Variants in LRIG1 observed in about 807,000 individuals in gnomAD.
LRIG1 encodes leucine-rich repeats and immunoglobulin-like domains protein 1.
Under a neutral mutation model 99.2 loss-of-function variants are expected in LRIG1, and 48 were observed. The ratio of observed to expected loss-of-function variants is 0.48; its 90% confidence interval spans 0.38 to 0.62. The LOEUF (loss-of-function observed/expected upper bound fraction) is 0.62, where lower values mean the gene tolerates loss of function less well. Among genes scored for constraint, LRIG1 ranks in the 20% least tolerant of loss-of-function variants. The pLI is 0.00. For synonymous variants in LRIG1, 772 were observed against 596.1 expected (o/e 1.29, Z -4.30); for missense variants, 1,646 against 1,434.4 (o/e 1.15, Z -2.38).
chr3:66,388,679 A>T (rs1701496614), intron 12 of LRIG1, among the ~76,000 whole-genome samples: 1 of 152,216 alleles, frequency 6.6e-6, no homozygotes, highest in Non-Finnish European at 1.5e-5. Context: ...ACCCACAGAG[A>T]ACAGAAGGCA....
At chr3:66,398,333 C>G in intron 10 of LRIG1, 150 bp from the exon 11 acceptor site, 1 of 628,084 alleles carries the variant, frequency 1.6e-6, no homozygotes, top group Non-Finnish European at 2.8e-6. Context: ...CAAATCGCAA[C>G]ACAAGCCCAT....
rs566659466 is a variant in LRIG1 at position 66,446,786 on chromosome 3, ATTAAG to A, written c.365+4768_365+4772del. On this transcript the variant is annotated intron_variant, in intron 3 of 18. Transcript: ENST00000273261. The stretch of plus-strand genomic sequence containing the variant: ...TAGTTAAAGCCACCTCAGATATTTT[ATTAAG>A]TTATTTATAAATGAAGTCTTCCAGG... Among the ~76,000 whole-genome samples the A allele has an allele frequency of 7.9e-5, 12 of 152,208 alleles. No homozygotes were observed. The South Asian group carries it at 2.1e-3, about 26-fold the overall frequency.
At chr3:66,487,711 T>C (rs1013798042) in intron 1 of LRIG1, among the ~76,000 whole-genome samples, 1 of 151,910 alleles carries the variant, frequency 6.6e-6, no homozygotes, top group Admixed American at 6.6e-5. Context: ...ACCAAGTGAG[T>C]AACAGGGAGA....
At chr3:66,385,170 A>G (rs1161876534) in intron 13 of LRIG1, among the ~76,000 whole-genome samples, 1 of 152,152 alleles carries the variant, frequency 6.6e-6, no homozygotes, top group Non-Finnish European at 1.5e-5. Flanking sequence ...CAAACACACA[A>G]TAACACATGG....
At chr3:66,404,230 C>G (rs566021302) in intron 9 of LRIG1, 2 of 1,288,852 alleles carry the variant, frequency 1.6e-6, no homozygotes, top group African/African-American at 3.0e-5. Flanking sequence ...AAAGACTCTC[C>G]CTACCACAGG....
chr3:66,387,315 G>A (rs921667730), intron 12 of LRIG1: 1 of 152,036 alleles, frequency 6.6e-6, no homozygotes, highest in Non-Finnish European at 1.5e-5. Context: ...GCACACCCAG[G>A]AAAGACGTGA....
At chr3:66,420,634 C>G (rs1317953764) in intron 3 of LRIG1, among the ~76,000 whole-genome samples, 2 of 152,184 alleles carry the variant, frequency 1.3e-5, no homozygotes, top group African/African-American at 4.8e-5. Flanking sequence ...CTAACACGTG[C>G]TACTGAATGG....
intron 2 of LRIG1, among the ~76,000 whole-genome samples, chr3:66,455,022 G>A (rs1700179993): frequency 6.6e-6 from 1 of 152,188 alleles, no homozygotes; most frequent in African/African-American, 2.4e-5. Flanking sequence ...TCGGCTCACT[G>A]TAACCTCTGC....
chr3:66,492,037 C>T (rs1019056096), intron 1 of LRIG1, among the ~76,000 whole-genome samples: 1 of 152,198 alleles, frequency 6.6e-6, no homozygotes, highest in African/African-American at 2.4e-5. Context: ...GTACCTGCAA[C>T]AGCTTACTTT....
chr3:66,500,035 C>T (rs1272568105), intron 1 of LRIG1, among the ~76,000 whole-genome samples, 155 bp downstream of exon 1: 2 of 152,022 alleles, frequency 1.3e-5, no homozygotes, highest in Non-Finnish European at 2.9e-5. Context: ...TCCCTTCCGC[C>T]ACTCCAACCT....
rs1359530754 is a variant in LRIG1 at position 66,383,408 on chromosome 3, G to T, written c.2072-7C>A. ...ACCACCAAGGATGGGGTCTCTACAA[G>T]AGAGCAACAGAGATCTTAGTCATTC... On this transcript the variant is annotated splice_region_variant and splice_polypyrimidine_tract_variant and intron_variant, in intron 14 of 18. Coordinates refer to ENST00000273261, the MANE Select transcript of LRIG1 (RefSeq NM_015541.3). The T allele has an allele frequency of 7.8e-6, 12 of 1,532,114 alleles. No homozygotes were observed. Among genetic ancestry groups the T allele is most frequent in the Non-Finnish European group, 1.1e-5 (12 of 1,136,208 alleles). The allele number at this position is 1,532,114 out of a possible 1,614,324, so 94.9% of individuals were successfully genotyped here. A position where few individuals can be genotyped will look rare whatever the true frequency, so the allele number is the denominator to read the frequency against.
intron 12 of LRIG1, among the ~76,000 whole-genome samples, chr3:66,389,113 G>A (rs781070950): frequency 3.9e-5 from 6 of 152,054 alleles, no homozygotes. Context: ...GATCTTAATA[G>A]GAACATAATT....
intron 1 of LRIG1, among the ~76,000 whole-genome samples, chr3:66,469,967 G>C (rs1700560123): frequency 6.6e-6 from 1 of 151,066 alleles, no homozygotes; most frequent in Non-Finnish European, 1.5e-5. Flanking sequence ...TCTGACACTT[G>C]CAAGCATTCT....
At chr3:66,451,840 T>C (rs1389510101) in intron 2 of LRIG1, among the ~76,000 whole-genome samples, 1 of 152,128 alleles carries the variant, frequency 6.6e-6, no homozygotes, top group African/African-American at 2.4e-5. Context: ...ATCACACCCA[T>C]GGCTAGAAAC....
chr3:66,498,642 A>C (rs1207011219), intron 1 of LRIG1, among the ~76,000 whole-genome samples: 2 of 152,006 alleles, frequency 1.3e-5, no homozygotes, highest in Non-Finnish European at 2.9e-5. Flanking sequence ...ACCTAAGGAC[A>C]ATACTGGGCT....
intron 12 of LRIG1, among the ~76,000 whole-genome samples, chr3:66,393,104 A>C (rs1295621093): frequency 1.3e-5 from 2 of 152,176 alleles, no homozygotes; most frequent in Non-Finnish European, 2.9e-5. Flanking sequence ...CAGCAGGCAC[A>C]CTGGCTACTC....
At chr3:66,406,677 C>T (rs1426360313) in intron 8 of LRIG1, among the ~76,000 whole-genome samples, 2 of 152,198 alleles carry the variant, frequency 1.3e-5, no homozygotes, top group Non-Finnish European at 2.9e-5. Flanking sequence ...TCTATGAAGC[C>T]AACCATGGAA....
chr3:66,475,507 C>G (rs1012303368), intron 1 of LRIG1, among the ~76,000 whole-genome samples: 2 of 152,184 alleles, frequency 1.3e-5, no homozygotes, highest in African/African-American at 4.8e-5. Flanking sequence ...TACTCCCCAC[C>G]ACACTCAGTC....
In LRIG1 at chr3:66,380,228, G is replaced by A. The variant is rs1700953831; in HGVS notation, c.*35C>T. On this transcript the variant is annotated 3_prime_UTR_variant, in exon 19 of 19. Transcript: ENST00000273261. ...GCCTCTCCTACCTCTCTTTCCCGTA[G>A]AGATTGGTATGACAAGAACTGAGGT... 1.9e-6 allele frequency: 3 copies of A among 1,556,342 alleles called. No homozygotes were observed. Among genetic ancestry groups the A allele is most frequent in the African/African-American group, 2.7e-5 (2 of 73,514 alleles).
Sources: allele counts gnomAD v4.1 joint callset (sites outside exome capture counted in the v4.1 genomes callset), GRCh38; gene constraint gnomAD v4.1.1; transcripts MANE v1.5; gene names NCBI Gene and HGNC (gene_info 2026-07-23, HGNC 2026-07-21).